AFG3L2: variants seen among roughly 807,000 people sequenced by gnomAD.
AFG3L2 encodes AFG3 like matrix AAA peptidase subunit 2.
In AFG3L2, 54 loss-of-function variants were observed where a neutral mutation model predicts 94.5. The observed-to-expected ratio is 0.57, with a 90% CI of 0.46 to 0.72. The LOEUF (loss-of-function observed/expected upper bound fraction) is 0.72. Among genes scored for constraint, AFG3L2 ranks in the 30% least tolerant of loss-of-function variants. The pLI, the probability that AFG3L2 is intolerant of heterozygous loss-of-function variation, is 0.00. For missense variants in AFG3L2, 754 were observed against 994.9 expected, an observed-to-expected ratio of 0.76 and a Z score of 3.26; for synonymous variants, 377 against 365.5, an observed-to-expected ratio of 1.03 and a Z score of -0.36.
intron 16 of AFG3L2, among the ~76,000 whole-genome samples, chr18:12,331,141 G>C (rs1907511481): frequency 1.3e-5 from 2 of 152,134 alleles, no homozygotes; most frequent in South Asian, 4.1e-4. Flanking sequence ...GATGTGTTTA[G>C]ATACCATTGT....
rs1908825979 is a variant in AFG3L2, at chr18:12,367,007, G to C, written c.510C>G (p.Ile170Met). The change falls in exon 5 of 17, where the codon ATC becomes ATG. Residue 170 changes from isoleucine (I) to methionine (M), a missense_variant. Ile to Met is a conservative substitution (Grantham distance 10). Transcript: ENST00000269143. ...YLLLKRSGRE[I>M]TWKDFVNNYL... ...AGTTATTGACAAAGTCCTTCCAAGT[G>C]ATTTCTCTCCCGGATCTCTTGAGCA... 6.2e-7 allele frequency: 1 copy of C among 1,614,060 alleles called. No individual in the cohort carries two copies. Among genetic ancestry groups the C allele is most frequent in the Admixed American group, 1.7e-5 (1 of 60,006 alleles).
In AFG3L2 at chr18:12,351,420, G is replaced by C; in HGVS notation, c.1319-7C>G. On this transcript the variant is annotated splice_polypyrimidine_tract_variant and splice_region_variant and intron_variant, in intron 10 of 16. Coordinates refer to ENST00000269143, the MANE Select transcript of AFG3L2 (RefSeq NM_006796.3). ...TTTGTTGTTGTATTAAAACCTGAAA[G>C]ATAACAAAAATGCAAACACTATTAA... 4 of 1,613,170 alleles carry C rather than the reference G, an allele frequency of 2.5e-6. No individual in the cohort carries two copies. In the African/African-American group the frequency reaches 4.0e-5, roughly 16 times the overall value.
At chr18:12,330,845 T>C (rs571695854) in intron 16 of AFG3L2, among the ~76,000 whole-genome samples, 3 of 151,542 alleles carry the variant, frequency 2.0e-5, no homozygotes, top group South Asian at 4.2e-4. Flanking sequence ...CCAGAACCCA[T>C]CCATACACAA....
chr18:12,339,744 G>C (rs984021766), intron 15 of AFG3L2, among the ~76,000 whole-genome samples: 1 of 150,968 alleles, frequency 6.6e-6, no homozygotes, highest in African/African-American at 2.4e-5. Flanking sequence ...AGCTCCTCAG[G>C]AGACTGAGGC....
At position 12,377,030 on chromosome 18, in the gene AFG3L2, C is replaced by A. The variant is rs866272063; in HGVS notation, c.53G>T (p.Gly18Val). 6.9e-7 allele frequency: 1 copy of A among 1,444,366 alleles called. No individual in the cohort carries two copies. The highest frequency in any genetic ancestry group is 2.4e-4 in the Middle Eastern group (1 of 4,088). The allele number at this position is 1,444,366 out of a possible 1,614,324, so 89.5% of individuals were successfully genotyped here. Residue 18 changes from glycine (G) to valine (V), a missense_variant, in exon 1 of 17, where the codon GGC becomes GTC. By Grantham distance (109) the Gly-to-Val change is moderately radical. Coordinates refer to ENST00000269143, the MANE Select transcript of AFG3L2 (RefSeq NM_006796.3). ...GCCAGGCACGAGGAGCTGCTGTAGG[C>A]CGCGGGGCCAGCAGCCGCCCCGGCC... ...LWGRGGCWPRGLQQLLVPGGV... is the reference protein window; with the variant it reads ...LWGRGGCWPRVLQQLLVPGGV...
chr18:12,352,193 A>G (rs542870754), intron 10 of AFG3L2, among the ~76,000 whole-genome samples: 16 of 152,184 alleles, frequency 1.1e-4, no homozygotes, highest in Admixed American at 7.2e-4. Context: ...CAGGCCCTTC[A>G]CCCTCAGGAC....
chr18:12,329,824 A>G (rs933504920), intron 16 of AFG3L2, 41 bp from the exon 17 acceptor site: 3 of 1,532,574 alleles, frequency 2.0e-6, no homozygotes, highest in Non-Finnish European at 2.7e-6. Context: ...GTTACTCAGC[A>G]AAGTCTATTC....
At chr18:12,359,565 C>T (rs939595727) in intron 7 of AFG3L2, among the ~76,000 whole-genome samples, 2 of 151,806 alleles carry the variant, frequency 1.3e-5, no homozygotes, top group East Asian at 1.9e-4. Context: ...ATAGTGAATC[C>T]CTGCCTCTAC....
rs148827808 is a variant in AFG3L2, at chr18:12,361,376, C to G, written c.628-1325G>C. ...TCAAAATAAAAAACAAGGCCGGGTG[C>G]AGTGGCTCACGCCTGTAATTCCAAC... On this transcript the variant is annotated intron_variant, in intron 6 of 16. Transcript: ENST00000269143. Among the ~76,000 whole-genome samples, 984 of 152,176 alleles carry G rather than the reference C, an allele frequency of 6.5e-3. 3 individuals carry two copies. Among genetic ancestry groups the G allele is most frequent in the African/African-American group, 0.022 (912 of 41,502 alleles).
At chr18:12,376,936 G>A (rs2143253351) in intron 1 of AFG3L2, 33 bp downstream of exon 1, 2 of 1,391,700 alleles carry the variant, frequency 1.4e-6, no homozygotes, top group Non-Finnish European at 9.4e-7. Flanking sequence ...CCGAGGCAGG[G>A]TGGAGGGCGC....
At chr18:12,363,733 GAA>G (rs1908727431) in intron 6 of AFG3L2, 47 bp downstream of exon 6, 2 of 1,495,676 alleles carry the variant, frequency 1.3e-6, no homozygotes, top group African/African-American at 1.4e-5. Flanking sequence ...CTTTAAATCT[GAA>G]AAAGTTAATT....
At chr18:12,356,960 A>T in intron 8 of AFG3L2, 129 bp from the exon 9 acceptor site, 3 of 896,636 alleles carry the variant, frequency 3.3e-6, no homozygotes, top group Non-Finnish European at 5.1e-6. Context: ...TTACTTAAAC[A>T]TCTGAGCTAT....
At chr18:12,332,123 AT>A (rs10689491) in intron 16 of AFG3L2, among the ~76,000 whole-genome samples, 2,054 of 131,666 alleles carry the variant, frequency 0.016, 48 homozygotes, top group African/African-American at 0.055. Context: ...TCATAAAATG[AT>A]TTTTTTTTTT....
At chr18:12,354,132 ACC>A (rs1555672008) in intron 9 of AFG3L2, among the ~76,000 whole-genome samples, 4 of 55,890 alleles carry the variant, frequency 7.2e-5, no homozygotes, top group Admixed American at 3.5e-4. Context: ...GCCCACTCCC[ACC>A]CCCCCCCCCC....
chr18:12,367,896 C>T (rs112790318), intron 3 of AFG3L2, among the ~76,000 whole-genome samples: 94 of 152,238 alleles, frequency 6.2e-4, no homozygotes, highest in African/African-American at 2.1e-3. Context: ...TGGCCGGGCG[C>T]GGTGGTTCAC....
chr18:12,345,922 T>C (rs1318499225), intron 13 of AFG3L2, among the ~76,000 whole-genome samples: 2 of 152,224 alleles, frequency 1.3e-5, no homozygotes, highest in Non-Finnish European at 2.9e-5. Flanking sequence ...ACTGGGCACC[T>C]ATCCCCGGCA....
Position 12,333,364 on chromosome 18 carries a change from ATTT to A in AFG3L2, c.2176-3584_2176-3582del, listed in dbSNP as rs1217951958. 5.4e-5 allele frequency among the ~76,000 whole-genome samples: 7 copies of A among 130,214 alleles called. No individual in the cohort carries two copies. The South Asian group carries it at 1.4e-3, about 26-fold the overall frequency. 85.4% of individuals were successfully genotyped at this position (130,214 alleles called of 152,430 possible). Reference sequence around the variant, plus strand: ...ATATAATATATAATTATATATATATATTTTTTCCCCCTGAAACAGGGTCTCACT... The same window carrying A: ...ATATAATATATAATTATATATATATATTTCCCCCTGAAACAGGGTCTCACT... On this transcript the variant is annotated intron_variant, in intron 16 of 16. Coordinates refer to ENST00000269143, the MANE Select transcript of AFG3L2 (RefSeq NM_006796.3).
At chr18:12,367,423 T>A (rs1908842080) in intron 3 of AFG3L2, 41 bp from the exon 4 acceptor site, 1 of 1,587,306 alleles carries the variant, frequency 6.3e-7, no homozygotes, top group Non-Finnish European at 8.6e-7. Context: ...CACGGCAAGG[T>A]TTTAGCTCTC....
At chr18:12,345,823 C>A (rs12956849) in intron 13 of AFG3L2, among the ~76,000 whole-genome samples, 2,893 of 152,308 alleles carry the variant, frequency 0.019, 38 homozygotes, top group Non-Finnish European at 0.029. Context: ...ATTCCATTCA[C>A]AACTCTTACC....
Sources: gnomAD v4.1 joint callset for allele counts (sites outside exome capture counted in the v4.1 genomes callset) on GRCh38, gnomAD v4.1.1 for gene constraint, MANE v1.5 for transcripts, NCBI Gene and HGNC (gene_info 2026-07-23, HGNC 2026-07-21) for gene names.